Variants in SESTD1 observed in about 807,000 individuals in gnomAD.
The protein encoded by SESTD1 is SEC14 and spectrin domain containing 1.
SESTD1 carries 43 observed loss-of-function variants against 101.7 expected under a neutral mutation model. The observed-to-expected ratio is 0.42, with a 90% CI of 0.33 to 0.55. The LOEUF is 0.55. Ranked by LOEUF, SESTD1 falls within the 20% of genes least tolerant of loss-of-function variation. SESTD1 has a pLI of 0.07. For missense variants in SESTD1, 647 were observed against 815.1 expected, an observed-to-expected ratio of 0.79 and a Z score of 2.51; for synonymous variants, 283 against 286.8, an observed-to-expected ratio of 0.99 and a Z score of 0.13.
At chr2:179,189,515 C>A (rs1031361706) in intron 2 of SESTD1, among the ~76,000 whole-genome samples, 6 of 152,026 alleles carry the variant, frequency 3.9e-5, no homozygotes, top group African/African-American at 1.4e-4. Flanking sequence ...TGGAAAAAAA[C>A]AAGGATAGCC....
intron 6 of SESTD1, among the ~76,000 whole-genome samples, chr2:179,149,705 T>A (rs748359250): frequency 6.6e-6 from 1 of 152,242 alleles, no homozygotes; most frequent in Non-Finnish European, 1.5e-5. Context: ...ACTACATACA[T>A]GTAATTTAGA....
intron 1 of SESTD1, among the ~76,000 whole-genome samples, chr2:179,242,263 A>G (rs1308156189): frequency 6.6e-6 from 1 of 152,174 alleles, no homozygotes. Flanking sequence ...CATCTAACCA[A>G]GGAGGTAAAA....
chr2:179,104,209 CGTAA>C lies in SESTD1; in HGVS notation c.*5686_*5689del, dbSNP rs2044332525. 2 of 152,038 alleles carry C rather than the reference CGTAA, an allele frequency of 1.3e-5. No homozygotes were observed. The highest frequency in any genetic ancestry group is 2.4e-5 in the African/African-American group (1 of 41,414). The allele number at this position is 152,038 out of a possible 1,614,324, so 9.4% of individuals were successfully genotyped here. A position where few individuals can be genotyped will look rare whatever the true frequency, so the allele number is the denominator to read the frequency against. ...TCTCTTAAAGGCTTCTGAGACTATT[CGTAA>C]GTGTGATGTGAGCAATCAGTTCTCA... On this transcript the variant is annotated 3_prime_UTR_variant, in exon 18 of 18. Coordinates refer to ENST00000428443, the MANE Select transcript of SESTD1 (RefSeq NM_178123.5).
intron 2 of SESTD1, among the ~76,000 whole-genome samples, chr2:179,190,118 T>C (rs2046298923): frequency 6.6e-6 from 1 of 151,266 alleles, no homozygotes. Context: ...AAAGAAAAAA[T>C]CCAGAGATAC....
At chr2:179,144,837 C>A (rs958485086) in intron 8 of SESTD1, among the ~76,000 whole-genome samples, 4 of 151,716 alleles carry the variant, frequency 2.6e-5, no homozygotes, top group Admixed American at 2.6e-4. Flanking sequence ...ATTAAATTTA[C>A]AATAGAAATT....
At chr2:179,139,415 G>A (rs370376029) in intron 9 of SESTD1, among the ~76,000 whole-genome samples, 2 of 152,108 alleles carry the variant, frequency 1.3e-5, no homozygotes, top group East Asian at 3.9e-4. Flanking sequence ...ATTAATCAGG[G>A]AAGAAAGAAG....
Position 179,183,198 on chromosome 2 carries a change from AAG to A in SESTD1, c.56-12_56-11del, listed in dbSNP as rs778990734. 13 of 1,565,386 alleles carry A rather than the reference AAG, an allele frequency of 8.3e-6. No individual in the cohort carries two copies. Among genetic ancestry groups the A allele is most frequent in the Middle Eastern group, 1.7e-4 (1 of 5,944 alleles). Reference sequence around the variant, plus strand: ...CGTCTGTCTTTTCCTCCTATTAAAAAAGAGATTTAAATTTAACATGTAATACA... The same window carrying A: ...CGTCTGTCTTTTCCTCCTATTAAAAAAGATTTAAATTTAACATGTAATACA... On this transcript the variant is annotated splice_polypyrimidine_tract_variant and intron_variant, in intron 2 of 17. Coordinates refer to ENST00000428443, the MANE Select transcript of SESTD1 (RefSeq NM_178123.5).
At chr2:179,147,534 G>A (rs2045423280) in intron 7 of SESTD1, among the ~76,000 whole-genome samples, 1 of 151,978 alleles carries the variant, frequency 6.6e-6, no homozygotes, top group Non-Finnish European at 1.5e-5. Flanking sequence ...GCTAATGTTT[G>A]TATTTTTAGT....
chr2:179,187,311 C>T (rs1336867480), intron 2 of SESTD1, among the ~76,000 whole-genome samples: 2 of 152,004 alleles, frequency 1.3e-5, no homozygotes, highest in Non-Finnish European at 2.9e-5. Context: ...TAAAAGACAC[C>T]AAATGGCAAG....
rs148686503 is a variant in SESTD1, at chr2:179,179,110, A to C, written c.165-2572T>G. 1.3e-3 allele frequency among the ~76,000 whole-genome samples: 195 copies of C among 152,334 alleles called. 1 individual carries two copies. The highest frequency in any genetic ancestry group is 4.4e-3 in the African/African-American group (185 of 41,578). On this transcript the variant is annotated intron_variant, in intron 3 of 17. Coordinates refer to ENST00000428443, the MANE Select transcript of SESTD1 (RefSeq NM_178123.5). ...GACCAAGTGGTCTTTCAGGTACTTGAAAGGAAATAGTTTTGTTTTTTGCTT... is the reference window on the plus strand; with the variant it reads ...GACCAAGTGGTCTTTCAGGTACTTGCAAGGAAATAGTTTTGTTTTTTGCTT...
chr2:179,117,231 C>T (rs2044653865), intron 14 of SESTD1, among the ~76,000 whole-genome samples: 1 of 152,088 alleles, frequency 6.6e-6, no homozygotes, highest in South Asian at 2.1e-4. Flanking sequence ...ATGCAGTGTG[C>T]TCCACCAGAT....
chr2:179,226,063 T>C (rs921039359), intron 1 of SESTD1, among the ~76,000 whole-genome samples: 1 of 152,180 alleles, frequency 6.6e-6, no homozygotes, highest in Non-Finnish European at 1.5e-5. Context: ...TTTGAAAAGG[T>C]CCATAAAAAT....
chr2:179,261,801 G>A (rs2047487451), intron 1 of SESTD1, among the ~76,000 whole-genome samples: 1 of 152,064 alleles, frequency 6.6e-6, no homozygotes, highest in Non-Finnish European at 1.5e-5. Context: ...AGCAGCTATG[G>A]AAAACAGTCA....
intron 13 of SESTD1, among the ~76,000 whole-genome samples, chr2:179,118,809 A>G (rs1384519621): frequency 7.9e-5 from 12 of 152,236 alleles, no homozygotes; most frequent in East Asian, 1.9e-4. Flanking sequence ...CAGAGATGTT[A>G]TAAGTACTAT....
chr2:179,192,533 C>T (rs77916674), intron 1 of SESTD1, among the ~76,000 whole-genome samples: 1,563 of 152,272 alleles, frequency 0.01, 24 homozygotes, highest in African/African-American at 0.032. Context: ...TAGGCCAGCT[C>T]ATCTTTTTGT....
chr2:179,176,780 A>G (rs935773837), intron 3 of SESTD1, among the ~76,000 whole-genome samples: 3 of 152,210 alleles, frequency 2.0e-5, no homozygotes, highest in Non-Finnish European at 2.9e-5. Context: ...AAATTATTCT[A>G]AAAGCATAAA....
At chr2:179,252,326 A>G (rs1171651931) in intron 1 of SESTD1, among the ~76,000 whole-genome samples, 1 of 152,262 alleles carries the variant, frequency 6.6e-6, no homozygotes, top group African/African-American at 2.4e-5. Flanking sequence ...ACGCCTCACC[A>G]TAACTCAAGA....
chr2:179,181,225 G>A (rs780655343), intron 3 of SESTD1, among the ~76,000 whole-genome samples: 17 of 152,126 alleles, frequency 1.1e-4, no homozygotes, highest in Non-Finnish European at 1.8e-4. Flanking sequence ...TGAGCCCAGA[G>A]ATGTGAATGA....
In SESTD1 at chr2:179,102,875, A is replaced by C. The variant is rs1323679672; in HGVS notation, c.*7024T>G. On this transcript the variant is annotated 3_prime_UTR_variant, in exon 18 of 18. Transcript: ENST00000428443. ...TATCCCCTATGCAAAACTGTGAGGTAGAATTTTTCCCACCCCGTTTTCTGC... is the reference window on the plus strand; with the variant it reads ...TATCCCCTATGCAAAACTGTGAGGTCGAATTTTTCCCACCCCGTTTTCTGC... 6.6e-6 allele frequency: 1 copy of C among 152,118 alleles called. No homozygotes were observed. Among genetic ancestry groups the C allele is most frequent in the African/African-American group, 2.4e-5 (1 of 41,446 alleles). The allele number at this position is 152,118 out of a possible 1,614,324, so 9.4% of individuals were successfully genotyped here.
Sources: gnomAD v4.1 joint callset for allele counts (sites outside exome capture counted in the v4.1 genomes callset) on GRCh38, gnomAD v4.1.1 for gene constraint, MANE v1.5 for transcripts, NCBI Gene and HGNC (gene_info 2026-07-23, HGNC 2026-07-21) for gene names.